Variants in CCDC60 observed in about 807,000 individuals in gnomAD.
CCDC60 encodes coiled-coil domain containing 60, also known as coiled-coil domain-containing protein 60.
A neutral mutation model predicts 63.5 loss-of-function variants in CCDC60; 54 were observed. The ratio of observed to expected loss-of-function variants is 0.85; its 90% CI spans 0.68 to 1.07. The LOEUF is 1.07. CCDC60 is among the 50% of genes least tolerant of loss of function. The probability of loss-of-function intolerance (pLI) is 0.00; values close to 1 mark genes in which losing one functional copy is unlikely to be tolerated. For missense variants in CCDC60, 651 were observed against 684.3 expected (o/e 0.95, Z 0.54); for synonymous variants, 206 against 238.8 (o/e 0.86, Z 1.27).
At chr12:119,526,532 T>C (rs1852015820) in intron 11 of CCDC60, among the ~76,000 whole-genome samples, 1 of 152,130 alleles carries the variant, frequency 6.6e-6, no homozygotes, top group African/African-American at 2.4e-5. Context: ...AGGTCTAATA[T>C]CCAGCATCTA....
At position 119,399,828 on chromosome 12, in the gene CCDC60, G is replaced by A. The variant is rs189872435; in HGVS notation, c.91-28855G>A. Among the ~76,000 whole-genome samples, 940 of 152,188 alleles carry A rather than the reference G, an allele frequency of 6.2e-3. 10 individuals carry two copies. The highest frequency in any genetic ancestry group is 0.021 in the African/African-American group (890 of 41,512). On this transcript the variant is annotated intron_variant, in intron 1 of 13. Transcript: ENST00000327554. ...GTGGCCAGAGTAGGAAATTACCTAC[G>A]GGGTATGATCTGAGGATGGAGCAGC...
chr12:119,402,645 T>C (rs1291591466), intron 1 of CCDC60, among the ~76,000 whole-genome samples: 2 of 152,214 alleles, frequency 1.3e-5, no homozygotes, highest in Non-Finnish European at 2.9e-5. Context: ...GGGTAGCACA[T>C]AGTATGCACT....
intron 5 of CCDC60, among the ~76,000 whole-genome samples, chr12:119,498,358 G>A (rs1189521420): frequency 6.6e-6 from 1 of 151,632 alleles, no homozygotes; most frequent in Non-Finnish European, 1.5e-5. Context: ...TTGAGACGGA[G>A]TTTCACTCTT....
chr12:119,439,652 G>A (rs1950400493), intron 2 of CCDC60, among the ~76,000 whole-genome samples: 1 of 152,182 alleles, frequency 6.6e-6, no homozygotes, highest in African/African-American at 2.4e-5. Context: ...ATACTGAGCA[G>A]GTCACCTGTC....
At chr12:119,387,516 C>T (rs769350504) in intron 1 of CCDC60, among the ~76,000 whole-genome samples, 3 of 152,162 alleles carry the variant, frequency 2.0e-5, no homozygotes, top group Non-Finnish European at 4.4e-5. Context: ...ATTCTCACCC[C>T]CTGCCCATCT....
intron 1 of CCDC60, among the ~76,000 whole-genome samples, chr12:119,344,124 T>G (rs1345896815): frequency 1.3e-5 from 2 of 152,204 alleles, no homozygotes; most frequent in Non-Finnish European, 1.5e-5. Context: ...ATTGAACATT[T>G]GAGGCCAGAT....
chr12:119,500,291 G>A (rs1951820308), intron 6 of CCDC60, 123 bp downstream of exon 6: 1 of 683,736 alleles, frequency 1.5e-6, no homozygotes, highest in Non-Finnish European at 2.6e-6. Context: ...GGAGTGAAGG[G>A]AAGTCAGAGC....
intron 7 of CCDC60, among the ~76,000 whole-genome samples, chr12:119,509,225 TAC>T: frequency 6.6e-6 from 1 of 152,368 alleles, no homozygotes; most frequent in East Asian, 1.9e-4. Context: ...TTGTTTAGCA[TAC>T]ACAAAAATTT....
chr12:119,499,517 T>C (rs937864880), intron 5 of CCDC60, among the ~76,000 whole-genome samples: 1 of 152,148 alleles, frequency 6.6e-6, no homozygotes, highest in Non-Finnish European at 1.5e-5. Flanking sequence ...CACAAGGTTA[T>C]AGTGATTGAG....
chr12:119,427,313 G>A (rs558735031), intron 1 of CCDC60, among the ~76,000 whole-genome samples: 2 of 152,152 alleles, frequency 1.3e-5, no homozygotes, highest in East Asian at 1.9e-4. Context: ...ATAGAATCAT[G>A]CTATAAATAT....
intron 5 of CCDC60, among the ~76,000 whole-genome samples, chr12:119,494,669 C>T (rs1412676752): frequency 6.6e-6 from 1 of 152,106 alleles, no homozygotes; most frequent in Non-Finnish European, 1.5e-5. Flanking sequence ...ACCAACCACA[C>T]TTTGAGGTTT....
intron 4 of CCDC60, 139 bp from the exon 5 acceptor site, chr12:119,488,620 G>T: frequency 1.5e-6 from 1 of 678,048 alleles, no homozygotes. Flanking sequence ...GATGATACAT[G>T]CAAAATACTT....
intron 1 of CCDC60, among the ~76,000 whole-genome samples, chr12:119,418,877 T>C (rs1565998302): frequency 1.3e-5 from 2 of 152,244 alleles, no homozygotes; most frequent in Non-Finnish European, 2.9e-5. Context: ...TCCTCTTTTA[T>C]GACATTGTTA....
chr12:119,538,570 T>C (rs1015762751), intron 13 of CCDC60, among the ~76,000 whole-genome samples: 1 of 152,222 alleles, frequency 6.6e-6, no homozygotes, highest in African/African-American at 2.4e-5. Context: ...AAACTGGTTA[T>C]TCTAGTTAGC....
rs554355783 is a variant in CCDC60, at chr12:119,501,326, T to C, written c.648+1158T>C. The stretch of plus-strand genomic sequence containing the variant: ...GTAGGAATATTATCCAGTTATGCCC[T>C]CTTAATAACCCTATGGGGCACTATT... On this transcript the variant is annotated intron_variant, in intron 6 of 13. Transcript: ENST00000327554. Among the ~76,000 whole-genome samples the C allele has an allele frequency of 5.2e-4, 79 of 152,334 alleles. 1 individual carries two copies. The South Asian group carries it at 0.016, about 31-fold the overall frequency.
At chr12:119,531,623 T>A (rs1229002608) in intron 13 of CCDC60, among the ~76,000 whole-genome samples, 1 of 151,884 alleles carries the variant, frequency 6.6e-6, no homozygotes, top group Non-Finnish European at 1.5e-5. Flanking sequence ...AGACAGTGTG[T>A]GCAAAGATCC....
intron 1 of CCDC60, among the ~76,000 whole-genome samples, chr12:119,411,870 G>C (rs1956608490): frequency 1.3e-5 from 2 of 151,980 alleles, no homozygotes; most frequent in South Asian, 4.2e-4. Flanking sequence ...AGCACAGTCT[G>C]AATCGCTGCC....
At chr12:119,394,763 C>A (rs1457891367) in intron 1 of CCDC60, among the ~76,000 whole-genome samples, 3 of 152,178 alleles carry the variant, frequency 2.0e-5, no homozygotes, top group African/African-American at 7.2e-5. Context: ...TTCATTTAGT[C>A]AAGCAACAAA....
chr12:119,361,358 G>A (rs1036093143), intron 1 of CCDC60, among the ~76,000 whole-genome samples: 1 of 152,168 alleles, frequency 6.6e-6, no homozygotes, highest in African/African-American at 2.4e-5. Context: ...GGCATAGCTA[G>A]ATCCAAGAGT....
Sources: allele counts gnomAD v4.1 joint callset (sites outside exome capture counted in the v4.1 genomes callset), GRCh38; gene constraint gnomAD v4.1.1; transcripts MANE v1.5; gene names NCBI Gene and HGNC (gene_info 2026-07-23, HGNC 2026-07-21).